The following ITGBL1 variants were observed in gnomAD, a reference collection of about 807,000 sequenced individuals.
The protein encoded by ITGBL1 is integrin beta-like protein 1.
ITGBL1 carries 51 observed loss-of-function variants against 68.5 expected under a neutral mutation model. The observed-to-expected ratio is 0.74, with a 90% CI of 0.59 to 0.94. ITGBL1 has a LOEUF of 0.94. ITGBL1 is among the 40% of genes least tolerant of loss of function. The pLI is 0.00. For missense variants in ITGBL1, 649 were observed against 647.4 expected (o/e 1.00, Z -0.03); for synonymous variants, 209 against 227.3 (o/e 0.92, Z 0.72).
chr13:101,508,806 ATGTTTT>A lies in ITGBL1; in HGVS notation c.316+54707_316+54712del, dbSNP rs2049066990. Among the ~76,000 whole-genome samples the A allele has an allele frequency of 2.6e-5, 4 of 152,072 alleles. No individual in the cohort carries two copies. The South Asian group carries it at 8.3e-4, about 32-fold the overall frequency. ...TGAATATTCCATATTTTGTTCTTTGATGTTTTCAATATTTCAACTCTTTGAGAAACT... is the reference window on the plus strand; with the variant it reads ...TGAATATTCCATATTTTGTTCTTTGACAATATTTCAACTCTTTGAGAAACT... On this transcript the variant is annotated intron_variant, in intron 2 of 10. Transcript: ENST00000376180.
chr13:101,615,971 A>G (rs2031343539), intron 7 of ITGBL1, among the ~76,000 whole-genome samples: 2 of 152,204 alleles, frequency 1.3e-5, no homozygotes, highest in Admixed American at 1.3e-4. Context: ...CCAGAGCTGC[A>G]AAGCATAGAT....
intron 7 of ITGBL1, among the ~76,000 whole-genome samples, chr13:101,617,700 A>G (rs950277938): frequency 2.6e-5 from 4 of 152,166 alleles, no homozygotes; most frequent in African/African-American, 9.7e-5. Flanking sequence ...CTCTAACCTA[A>G]TATTTAGCCA....
chr13:101,646,757 A>G (rs949944032), intron 7 of ITGBL1, among the ~76,000 whole-genome samples: 1 of 152,150 alleles, frequency 6.6e-6, no homozygotes, highest in Non-Finnish European at 1.5e-5. Context: ...TAGAATGCTG[A>G]ACCACACTAA....
At chr13:101,578,611 G>C (rs1281385768) in intron 4 of ITGBL1, among the ~76,000 whole-genome samples, 1 of 152,276 alleles carries the variant, frequency 6.6e-6, no homozygotes, top group South Asian at 2.1e-4. Flanking sequence ...GGTGGGAGCT[G>C]AAAGAGGGCA....
chr13:101,494,872 G>A (rs1422724596), intron 2 of ITGBL1, among the ~76,000 whole-genome samples: 4 of 152,246 alleles, frequency 2.6e-5, no homozygotes, highest in South Asian at 2.1e-4. Context: ...TATTATAAGC[G>A]CTTTTCTACT....
intron 2 of ITGBL1, among the ~76,000 whole-genome samples, chr13:101,469,396 T>C (rs1207101672): frequency 2.0e-5 from 3 of 152,188 alleles, no homozygotes; most frequent in Non-Finnish European, 4.4e-5. Context: ...AATACACCAG[T>C]TGTTGCCAGG....
intron 8 of ITGBL1, among the ~76,000 whole-genome samples, chr13:101,705,583 G>T (rs1485283181): frequency 6.6e-6 from 1 of 151,462 alleles, no homozygotes; most frequent in Non-Finnish European, 1.5e-5. Context: ...AGGGATTTCT[G>T]TAGAAATTAA....
Position 101,653,059 on chromosome 13 carries a change from G to A in ITGBL1, c.1016-39526G>A, listed in dbSNP as rs139531925. Among the ~76,000 whole-genome samples the A allele has an allele frequency of 1.3e-3, 197 of 151,762 alleles. 1 individual carries two copies. The highest frequency in any genetic ancestry group is 3.8e-3 in the African/African-American group (159 of 41,348). On this transcript the variant is annotated intron_variant, in intron 7 of 10. Coordinates refer to ENST00000376180, the MANE Select transcript of ITGBL1 (RefSeq NM_004791.3). ...TGCAGTGAGCCGAGATCACGCCACCGCACTCCAGCCTGGGCAACAAGAGTG... is the reference window on the plus strand; with the variant it reads ...TGCAGTGAGCCGAGATCACGCCACCACACTCCAGCCTGGGCAACAAGAGTG...
chr13:101,632,048 CTTATAA>C (rs1361297112), intron 7 of ITGBL1, among the ~76,000 whole-genome samples: 2 of 151,770 alleles, frequency 1.3e-5, no homozygotes, highest in Non-Finnish European at 2.9e-5. Flanking sequence ...GATTGAATTT[CTTATAA>C]TTAAAACAAT....
chr13:101,504,346 C>T (rs969269936), intron 2 of ITGBL1, among the ~76,000 whole-genome samples: 29 of 152,236 alleles, frequency 1.9e-4, no homozygotes, highest in African/African-American at 6.5e-4. Context: ...CTGAAAATGA[C>T]AATCTGACAC....
Position 101,692,654 on chromosome 13 carries a change from A to T in ITGBL1, c.1085A>T (p.Glu362Val), listed in dbSNP as rs144909391. 224 of 1,613,810 alleles carry T rather than the reference A, an allele frequency of 1.4e-4. No individual in the cohort carries two copies. In the African/African-American group the frequency reaches 2.8e-3, roughly 20 times the overall value. Residue 362 changes from glutamate to valine, a missense_variant, in exon 8 of 11, where the codon GAG (glutamate) becomes GTG (valine). By Grantham distance (121) the Glu-to-Val change is moderately radical. Transcript: ENST00000376180. Reference protein sequence around the residue: ...GDRRVYGKTCECDDRRCEDLD... With the variant: ...GDRRVYGKTCVCDDRRCEDLD... ...CGCCGGGTGTATGGCAAGACTTGTGAGTGTGATGATCGCCGCTGTGAAGAC... is the reference window on the plus strand; with the variant it reads ...CGCCGGGTGTATGGCAAGACTTGTGTGTGTGATGATCGCCGCTGTGAAGAC...
intron 2 of ITGBL1, among the ~76,000 whole-genome samples, chr13:101,531,722 T>G (rs1020005952): frequency 6.7e-6 from 1 of 150,010 alleles, no homozygotes; most frequent in African/African-American, 2.4e-5. Flanking sequence ...TTTATTTATT[T>G]ATTTATTTAT....
intron 7 of ITGBL1, among the ~76,000 whole-genome samples, chr13:101,598,787 A>C (rs938813271): frequency 1.3e-5 from 2 of 152,192 alleles, no homozygotes; most frequent in Non-Finnish European, 2.9e-5. Context: ...ATGGCTGCAC[A>C]GTATTCCATG....
chr13:101,613,948 G>T (rs1003447072), intron 7 of ITGBL1, among the ~76,000 whole-genome samples: 1 of 150,938 alleles, frequency 6.6e-6, no homozygotes, highest in Admixed American at 6.7e-5. Context: ...AGCAAACAGG[G>T]CTTTAGGGAG....
chr13:101,678,386 T>C (rs1469928947), intron 7 of ITGBL1, among the ~76,000 whole-genome samples: 1 of 152,260 alleles, frequency 6.6e-6, no homozygotes, highest in Non-Finnish European at 1.5e-5. Flanking sequence ...TATTTTTCTA[T>C]TGATTTTGTT....
At chr13:101,606,128 C>T (rs1304025583) in intron 7 of ITGBL1, among the ~76,000 whole-genome samples, 1 of 133,714 alleles carries the variant, frequency 7.5e-6, no homozygotes, top group South Asian at 2.4e-4. Context: ...ATATATATAG[C>T]CTTCACGTGG....
chr13:101,591,398 T>G (rs1272359445), intron 6 of ITGBL1, among the ~76,000 whole-genome samples: 1 of 152,224 alleles, frequency 6.6e-6, no homozygotes, highest in Non-Finnish European at 1.5e-5. Context: ...CAGATAATTA[T>G]GGCAACAATT....
chr13:101,685,233 C>T (rs920929612), intron 7 of ITGBL1, among the ~76,000 whole-genome samples: 1 of 151,926 alleles, frequency 6.6e-6, no homozygotes, highest in Admixed American at 6.6e-5. Context: ...TAAGTCTTCT[C>T]CTATGGCCTT....
intron 7 of ITGBL1, among the ~76,000 whole-genome samples, chr13:101,666,989 A>G (rs2033234807): frequency 6.6e-6 from 1 of 152,190 alleles, no homozygotes; most frequent in South Asian, 2.1e-4. Flanking sequence ...TGAAAGCAAA[A>G]CGATTTGTCC....
Sources: gnomAD v4.1 joint callset for allele counts (sites outside exome capture counted in the v4.1 genomes callset) on GRCh38, gnomAD v4.1.1 for gene constraint, MANE v1.5 for transcripts, NCBI Gene and HGNC (gene_info 2026-07-23, HGNC 2026-07-21) for gene names.